ARID4A: variants seen among roughly 807,000 people sequenced by gnomAD.
The protein encoded by ARID4A is AT-rich interactive domain-containing protein 4A.
Under a neutral mutation model 148.6 loss-of-function variants are expected in ARID4A, and 39 were observed. The ratio of observed to expected loss-of-function variants is 0.26; its 90% confidence interval spans 0.20 to 0.34. The LOEUF (loss-of-function observed/expected upper bound fraction) is 0.34, where lower values mean the gene tolerates loss of function less well. ARID4A is among the 10% of genes least tolerant of loss of function. ARID4A has a pLI of 1.00. For missense variants in ARID4A, 1,265 were observed against 1,449.1 expected, an observed-to-expected ratio of 0.87 and a Z score of 2.06; for synonymous variants, 475 against 481.2, an observed-to-expected ratio of 0.99 and a Z score of 0.17.
At chr14:58,322,733 G>A (rs1020089093) in intron 7 of ARID4A, among the ~76,000 whole-genome samples, 10 of 151,706 alleles carry the variant, frequency 6.6e-5, no homozygotes, top group South Asian at 4.2e-4. Context: ...AGGCTGAGGC[G>A]GGCAGATCAC....
chr14:58,317,718 G>T (rs2032560258), intron 5 of ARID4A, among the ~76,000 whole-genome samples: 1 of 128,056 alleles, frequency 7.8e-6, no homozygotes, highest in Non-Finnish European at 1.6e-5. Context: ...TTGAGCCTTG[G>T]TTTTTCGCGG....
chr14:58,319,162 C>T (rs894594452), intron 7 of ARID4A, among the ~76,000 whole-genome samples: 7 of 152,080 alleles, frequency 4.6e-5, no homozygotes, highest in Non-Finnish European at 8.8e-5. Context: ...TGGGTTCAAG[C>T]AATTCTCCTG....
At chr14:58,313,816 G>A (rs1202622991) in intron 5 of ARID4A, among the ~76,000 whole-genome samples, 1 of 152,228 alleles carries the variant, frequency 6.6e-6, no homozygotes, top group Non-Finnish European at 1.5e-5. Flanking sequence ...AGGGCAGAAG[G>A]AGAAGAGTGT....
rs765481331 is a variant in ARID4A at position 58,347,027 on chromosome 14, G to T, written c.1082G>T (p.Ser361Ile). The T allele has an allele frequency of 7.1e-7, 1 of 1,406,466 alleles. No homozygotes were observed. The highest frequency in any genetic ancestry group is 2.9e-5 in the East Asian group (1 of 34,472). The allele number at this position is 1,406,466 out of a possible 1,614,324, so 87.1% of individuals were successfully genotyped here. ...AAAAACTTAATTTTCCAGATTGATA[G>T]TGGTGCTGTATGGAAGCAAATTTAT... Reference protein sequence around the residue: ...YHQGGCDNIDSGAVWKQIYMD... With the variant: ...YHQGGCDNIDIGAVWKQIYMD... Residue 361 changes from serine (S) to isoleucine (I), a missense_variant, in exon 14 of 24, where the codon AGT (serine) becomes ATT (isoleucine). Around this residue, in one of 9 missense-constraint regions of ARID4A, gnomAD observed 249 missense variants for 277.2 expected, o/e 0.90. Transcript: ENST00000355431.
intron 15 of ARID4A, among the ~76,000 whole-genome samples, chr14:58,350,192 C>G (rs1179520017): frequency 2.0e-5 from 3 of 147,036 alleles, no homozygotes; most frequent in African/African-American, 5.0e-5. Flanking sequence ...CATCTTGGAA[C>G]TTGTGTGTTA....
intron 5 of ARID4A, among the ~76,000 whole-genome samples, chr14:58,307,070 G>A (rs143579196): frequency 7.4e-4 from 112 of 152,274 alleles, no homozygotes; most frequent in African/African-American, 2.6e-3. Flanking sequence ...CTGTCATTAT[G>A]TTGATGAGAA....
At chr14:58,319,166 TCTC>T (rs760512947) in intron 7 of ARID4A, among the ~76,000 whole-genome samples, 6 of 152,140 alleles carry the variant, frequency 3.9e-5, no homozygotes, top group Non-Finnish European at 5.9e-5. Context: ...TTCAAGCAAT[TCTC>T]CTGCTTCAGC....
intron 8 of ARID4A, among the ~76,000 whole-genome samples, chr14:58,326,391 C>G (rs774910472): frequency 6.6e-6 from 1 of 152,078 alleles, no homozygotes; most frequent in Non-Finnish European, 1.5e-5. Flanking sequence ...GAGCTGAGAT[C>G]GCGCCACTGC....
intron 1 of ARID4A, 157 bp from the exon 2 acceptor site, chr14:58,299,641 C>G: frequency 3.2e-6 from 2 of 630,368 alleles, no homozygotes; most frequent in South Asian, 3.8e-5. Context: ...TCGCTGCCCC[C>G]TCAGCTCCTG....
At chr14:58,365,724 C>G (rs974196019) in intron 21 of ARID4A, 102 bp downstream of exon 21, 77 of 1,037,278 alleles carry the variant, frequency 7.4e-5, no homozygotes, top group Non-Finnish European at 1.0e-4. Context: ...TGTTTTATAA[C>G]TGCATTTTCA....
intron 11 of ARID4A, among the ~76,000 whole-genome samples, chr14:58,330,492 T>A (rs2033462880): frequency 6.6e-6 from 1 of 152,186 alleles, no homozygotes; most frequent in African/African-American, 2.4e-5. Context: ...TGTAACTCAT[T>A]TAAACTACTA....
chr14:58,306,393 C>A (rs1183823465), intron 5 of ARID4A, among the ~76,000 whole-genome samples: 1 of 152,122 alleles, frequency 6.6e-6, no homozygotes, highest in Non-Finnish European at 1.5e-5. Context: ...TGATTGTGAT[C>A]ACTTTTTCTA....
intron 3 of ARID4A, chr14:58,303,435 AT>A (rs915592063): frequency 2.5e-5 from 11 of 439,194 alleles, no homozygotes; most frequent in Admixed American, 4.8e-5. Flanking sequence ...GGTCTTCCAG[AT>A]TTTTTTTACT....
chr14:58,333,787 C>T (rs1484137179), intron 11 of ARID4A, among the ~76,000 whole-genome samples: 1 of 152,032 alleles, frequency 6.6e-6, no homozygotes. Context: ...TTCAAGATTA[C>T]TTTAGGTATA....
At chr14:58,351,443 T>C in intron 16 of ARID4A, 120 bp downstream of exon 16, 1 of 1,332,308 alleles carries the variant, frequency 7.5e-7, no homozygotes, top group Non-Finnish European at 1.0e-6. Context: ...GTTCCTCTTG[T>C]CTAATGAAGG....
chr14:58,319,036 C>T (rs958998705), intron 7 of ARID4A, among the ~76,000 whole-genome samples: 2 of 151,942 alleles, frequency 1.3e-5, no homozygotes, highest in African/African-American at 2.4e-5. Flanking sequence ...GTTACTTTGC[C>T]GAAGTTTTTT....
At chr14:58,304,294 A>G (rs758003665) in intron 3 of ARID4A, among the ~76,000 whole-genome samples, 1 of 152,192 alleles carries the variant, frequency 6.6e-6, no homozygotes, top group Non-Finnish European at 1.5e-5. Flanking sequence ...TTAACAATTC[A>G]AATTTGGTAT....
chr14:58,359,193 A>G lies in ARID4A; in HGVS notation c.1915A>G (p.Lys639Glu). 4.4e-6 allele frequency: 7 copies of G among 1,604,666 alleles called. No homozygotes were observed. The highest frequency in any genetic ancestry group is 5.9e-6 in the Non-Finnish European group (7 of 1,177,940). Residue 639 changes from lysine (K) to glutamate (E), a missense_variant, in exon 18 of 24, where the codon AAA (lysine) becomes GAA (glutamate). Around this residue, in one of 9 missense-constraint regions of ARID4A, gnomAD observed 666 missense variants for 730.9 expected, o/e 0.91. Transcript: ENST00000355431. ...GCCTTTGGACAAAGGTGGACCAAAGAAAAAACAGAAGAAAAAAGCTAAAGT... is the reference window on the plus strand; with the variant it reads ...GCCTTTGGACAAAGGTGGACCAAAGGAAAAACAGAAGAAAAAAGCTAAAGT... ...IWPLDKGGPK[K>E]KQKKKAKNKE...
intron 8 of ARID4A, among the ~76,000 whole-genome samples, chr14:58,323,941 G>T (rs1474655863): frequency 9.0e-6 from 1 of 111,670 alleles, no homozygotes; most frequent in East Asian, 2.8e-4. Context: ...GTCTCGCTCT[G>T]TCGCCCAGGT....
Sources: allele counts gnomAD v4.1 joint callset (sites outside exome capture counted in the v4.1 genomes callset), GRCh38; gene constraint gnomAD v4.1.1; regional missense constraint gnomAD v4.1.1; transcripts MANE v1.5; gene names NCBI Gene and HGNC (gene_info 2026-07-23, HGNC 2026-07-21).